GDF1: variants seen among roughly 807,000 people sequenced by gnomAD.
GDF1 encodes the protein growth differentiation factor 1.
Under a neutral mutation model 7.4 loss-of-function variants are expected in GDF1, and 8 were observed. The observed-to-expected ratio is 1.09, with a 90% CI of 0.64 to 1.96. GDF1 has a LOEUF of 1.96. GDF1 is among the 30% of genes most tolerant of loss of function. GDF1 has a pLI of 0.00. For synonymous variants in GDF1, 311 were observed against 276.7 expected (o/e 1.12, Z -1.23); for missense variants, 574 against 551.5 (o/e 1.04, Z -0.41).
chr19:18,884,815 GCAATT>G (rs1197102752), intron 2 of GDF1, among the ~76,000 whole-genome samples: 1 of 139,358 alleles, frequency 7.2e-6, no homozygotes, highest in Non-Finnish European at 1.5e-5. Context: ...CCAGGTTCAA[GCAATT>G]CTCCTGCCTC....
chr19:18,877,939 G>C, intron 6 of GDF1: 1 of 977,642 alleles, frequency 1.0e-6, no homozygotes, highest in African/African-American at 1.8e-5. Context: ...TTTTATTTCT[G>C]TTTCATCTAC....
chr19:18,869,388 C>T lies in GDF1; in HGVS notation c.328G>A (p.Ala110Thr). Residue 110 changes from alanine (A) to threonine (T), a missense_variant and splice_region_variant, in exon 8 of 8, where the codon GCG becomes ACG. Ala to Thr is a moderately conservative substitution (Grantham distance 58). Transcript: ENST00000247005. ...GCAGGCTCCGAGGCCCGGGTGGGCG[C>T]ACCTGGGGAGGTAGGAACAGGAACT... The part of the protein sequence containing the change: ...NIVRHIPDRG[A>T]PTRASEPASA... 6 of 1,528,618 alleles carry T rather than the reference C, an allele frequency of 3.9e-6. No individual in the cohort carries two copies. The highest frequency in any genetic ancestry group is 4.4e-6 in the Non-Finnish European group (5 of 1,144,388). 94.7% of individuals were successfully genotyped at this position (1,528,618 alleles called of 1,614,324 possible). A position where few individuals can be genotyped will look rare whatever the true frequency, so the allele number is the denominator to read the frequency against.
At position 18,868,717 on chromosome 19, in the gene GDF1, G is replaced by T. The variant is rs376692379; in HGVS notation, c.999C>A (p.Asp333Glu). 15 of 1,544,948 alleles carry T rather than the reference G, an allele frequency of 9.7e-6. No homozygotes were observed. Among genetic ancestry groups the T allele is most frequent in the Non-Finnish European group, 1.0e-5 (12 of 1,143,300 alleles). Residue 333 changes from aspartate to glutamate, a missense_variant, in exon 8 of 8, where the codon GAC becomes GAA. Coordinates refer to ENST00000247005, the MANE Select transcript of GDF1 (RefSeq NM_001492.6). ...LMHAAAPGAA[D>E]LPCCVPARLS... is the part of the protein sequence containing the mutation. ...GGCGCGCGGGCACGCAGCAGGGCAG[G>T]TCGGCGGCTCCCGGGGCGGCCGCGT... is the stretch of plus-strand genomic sequence containing the variant.
chr19:18,887,744 CA>C lies in GDF1; in HGVS notation c.-913-3478del, dbSNP rs201962831. Among the ~76,000 whole-genome samples the C allele has an allele frequency of 2.4e-3, 251 of 104,004 alleles. 1 individual carries two copies. The highest frequency in any genetic ancestry group is 3.0e-3 in the South Asian group (9 of 3,034). The allele number at this position is 104,004 out of a possible 152,430, so 68.2% of individuals were successfully genotyped here. A position where few individuals can be genotyped will look rare whatever the true frequency, so the allele number is the denominator to read the frequency against. On this transcript the variant is annotated intron_variant, in intron 2 of 7. Coordinates refer to ENST00000247005, the MANE Select transcript of GDF1 (RefSeq NM_001492.6). ...GGGCAGCAAGAGTGAAACTCCATCTCAAAAAAAAAAAAAAAAAATTGTGTTA... is the reference window on the plus strand; with the variant it reads ...GGGCAGCAAGAGTGAAACTCCATCTCAAAAAAAAAAAAAAAAATTGTGTTA...
rs754571030 is a variant in GDF1, at chr19:18,868,629, C to G, written c.1087G>C (p.Asp363His). 1 of 1,573,078 alleles carries G rather than the reference C, an allele frequency of 6.4e-7. No homozygotes were observed. Among genetic ancestry groups the G allele is most frequent in the Non-Finnish European group, 8.6e-7 (1 of 1,159,466 alleles). The part of the protein sequence containing the change: ...SDNVVLRQYE[D>H]MVVDECGCR ...CAGCCGCACTCGTCCACCACCATGT[C>G]CTCATACTGCCGCAGCACCACGTTG... The change falls in exon 8 of 8, where the codon GAC becomes CAC. Residue 363 changes from aspartate (D) to histidine (H), a missense_variant. By Grantham distance (81) the Asp-to-His change is moderately conservative. Coordinates refer to ENST00000247005, the MANE Select transcript of GDF1 (RefSeq NM_001492.6).
chr19:18,891,890 C>T (rs2056499894), intron 2 of GDF1, among the ~76,000 whole-genome samples: 1 of 148,208 alleles, frequency 6.7e-6, no homozygotes, highest in African/African-American at 2.5e-5. Flanking sequence ...ACTTCTCATT[C>T]TCATCTTTTT....
intron 2 of GDF1, among the ~76,000 whole-genome samples, chr19:18,893,193 G>GT (rs1296759662): frequency 6.6e-6 from 1 of 151,120 alleles, no homozygotes; most frequent in Non-Finnish European, 1.5e-5. Flanking sequence ...GATTACAGGC[G>GT]TGAGCCACTG....
intron 1 of GDF1, 150 bp from the exon 2 acceptor site, chr19:18,893,725 C>T (rs1369835504): frequency 2.5e-6 from 2 of 796,256 alleles, no homozygotes; most frequent in Non-Finnish European, 1.9e-6. Context: ...GGAGCATAAA[C>T]AGAGCCCACA....
chr19:18,869,553 T>C (rs2055924595), intron 7 of GDF1, among the ~76,000 whole-genome samples, 163 bp from the exon 8 acceptor site: 1 of 102,322 alleles, frequency 9.8e-6, no homozygotes, highest in Admixed American at 1.2e-4. Flanking sequence ...GGGCAGGGCA[T>C]GAGTTCCAAG....
intron 6 of GDF1, among the ~76,000 whole-genome samples, chr19:18,871,145 C>T (rs1323692924): frequency 3.3e-5 from 5 of 151,766 alleles, no homozygotes; most frequent in African/African-American, 1.2e-4. Flanking sequence ...TGTGGCACAA[C>T]CTCCAAGGCT....
chr19:18,895,532 T>A lies in GDF1; in HGVS notation c.-1074+292A>T, dbSNP rs1159272145. 1.3e-5 allele frequency among the ~76,000 whole-genome samples: 2 copies of A among 151,338 alleles called. No individual in the cohort carries two copies. Among genetic ancestry groups the A allele is most frequent in the Non-Finnish European group, 2.9e-5 (2 of 67,882 alleles). ...TCCCCCACGTCTCAAACATCCCACC[T>A]GTCTCGGGCCCCCCATGTCCCAGAC... is the stretch of plus-strand genomic sequence containing the variant. On this transcript the variant is annotated intron_variant, in intron 1 of 7. Coordinates refer to ENST00000247005, the MANE Select transcript of GDF1 (RefSeq NM_001492.6). The surrounding 1 kb of genome is among the most constrained non-coding windows in gnomAD (Gnocchi z 6.4).
chr19:18,868,621 C>T lies in GDF1; in HGVS notation c.1095G>A (p.Val365=). 7 of 1,569,972 alleles carry T rather than the reference C, an allele frequency of 4.5e-6. No individual in the cohort carries two copies. The highest frequency in any genetic ancestry group is 6.0e-6 in the Non-Finnish European group (7 of 1,157,732). Residue 365 remains valine, a synonymous_variant, in exon 8 of 8, where the codon GTG becomes GTA. Transcript: ENST00000247005. The stretch of plus-strand genomic sequence containing the variant: ...GTTAGCGGCAGCCGCACTCGTCCAC[C>T]ACCATGTCCTCATACTGCCGCAGCA... ...NVVLRQYEDM[V]VDECGCR is the part of the protein sequence containing the mutation.
chr19:18,874,751 G>A (rs1601154789), intron 6 of GDF1, among the ~76,000 whole-genome samples: 1 of 152,206 alleles, frequency 6.6e-6, no homozygotes, highest in South Asian at 2.1e-4. Flanking sequence ...CCATGAGGAG[G>A]ACAGGGAATT....
At position 18,879,124 on chromosome 19, in the gene GDF1, C is replaced by T. The variant is rs11670721; in HGVS notation, c.-422-85G>A. On this transcript the variant is annotated intron_variant, in intron 5 of 7. Coordinates refer to ENST00000247005, the MANE Select transcript of GDF1 (RefSeq NM_001492.6). ...ACAGCCATGTGCTCCTGTCCCGGGCCCTCCACACGGGCTGTCTGCCACCTA... is the reference window on the plus strand; with the variant it reads ...ACAGCCATGTGCTCCTGTCCCGGGCTCTCCACACGGGCTGTCTGCCACCTA... 4.9e-3 allele frequency: 7,744 copies of T among 1,585,550 alleles called. 23 individuals carry two copies. Among genetic ancestry groups the T allele is most frequent in the Non-Finnish European group, 5.5e-3 (6,382 of 1,166,960 alleles).
chr19:18,880,461 G>T, intron 3 of GDF1, 26 bp from the exon 4 acceptor site: 1 of 1,560,214 alleles, frequency 6.4e-7, no homozygotes, highest in Non-Finnish European at 8.7e-7. Context: ...GCAGAGAGGA[G>T]AGGGCAGCTC....
rs1180535407 is a variant in GDF1, at chr19:18,870,299, C to A, written c.9G>T (p.Pro3=). The change falls in exon 7 of 8, where the codon CCG becomes CCT. Residue 3 remains proline (P), a synonymous_variant. Transcript: ENST00000247005. The surrounding 1 kb of genome is among the most constrained non-coding windows in gnomAD (Gnocchi z 5.1). ...GGTGGCCGCAGGGACCTTGCTGCGG[C>A]GGTGGCATCTTCCTCCCAGGCGATG... MP[P]PQQGPCGHHL... 2 of 1,546,014 alleles carry A rather than the reference C, an allele frequency of 1.3e-6. No individual in the cohort carries two copies. Among genetic ancestry groups the A allele is most frequent in the Non-Finnish European group, 1.7e-6 (2 of 1,146,700 alleles).
intron 2 of GDF1, among the ~76,000 whole-genome samples, chr19:18,890,244 C>T (rs1293421709): frequency 7.2e-5 from 11 of 152,318 alleles, no homozygotes; most frequent in African/African-American, 2.2e-4. Flanking sequence ...AAAAACTGCC[C>T]CTCCCCACCT....
chr19:18,896,053 G>A lies in GDF1; in HGVS notation c.-1303C>T. The A allele has an allele frequency of 2.0e-6, 2 of 984,034 alleles. No individual in the cohort carries two copies. Among genetic ancestry groups the A allele is most frequent in the South Asian group, 9.1e-5 (2 of 21,968 alleles). The allele number at this position is 984,034 out of a possible 1,614,324, so 61.0% of individuals were successfully genotyped here. ...GGGCTCGGGCCCCGTCGGCCCCGCCGCGGGCCCCGCCGCCGCCATACCGCC... is the reference window on the plus strand; with the variant it reads ...GGGCTCGGGCCCCGTCGGCCCCGCCACGGGCCCCGCCGCCGCCATACCGCC... On this transcript the variant is annotated 5_prime_UTR_variant, in exon 1 of 8. Transcript: ENST00000247005. The surrounding 1 kb of genome is among the most constrained non-coding windows in gnomAD (Gnocchi z 5.9).
chr19:18,893,853 C>T (rs1328659388), intron 1 of GDF1, among the ~76,000 whole-genome samples: 1 of 150,792 alleles, frequency 6.6e-6, no homozygotes, highest in Non-Finnish European at 1.5e-5. Context: ...AAGGGGGACA[C>T]TTGGGCTTAC....
Sources: gnomAD v4.1 joint callset for allele counts (sites outside exome capture counted in the v4.1 genomes callset) on GRCh38, gnomAD v4.1.1 for gene constraint, Gnocchi (gnomAD v3.1) non-coding constraint, MANE v1.5 for transcripts, NCBI Gene and HGNC (gene_info 2026-07-23, HGNC 2026-07-21) for gene names.